Variants in AKR1C8 observed in about 807,000 individuals in gnomAD.
The protein encoded by AKR1C8 is aldo-keto reductase family 1 member C-like protein 1.
the AKR1C8 span, among the ~76,000 whole-genome samples, chr10:5,131,724 C>G: frequency 1.1e-3 from 165 of 150,576 alleles, no homozygotes; most frequent in Non-Finnish European, 1.4e-3. Context: ...GAAAAGAGAA[C>G]ACTTTTACAT....
chr10:5,118,828 G>A, the AKR1C8 span, among the ~76,000 whole-genome samples: 1 of 152,098 alleles, frequency 6.6e-6, no homozygotes, highest in African/African-American at 2.4e-5. Context: ...CATTTGACTG[G>A]AGGGAGATAT....
chr10:5,123,632 T>C, the AKR1C8 span: 4 of 1,332,030 alleles, frequency 3.0e-6, no homozygotes, highest in Non-Finnish European at 4.2e-6. Context: ...GAGAGTAAAC[T>C]CCAGGAAAGA....
At chr10:5,146,234 G>A in the AKR1C8 span, among the ~76,000 whole-genome samples, 8 of 151,150 alleles carry the variant, frequency 5.3e-5, no homozygotes, top group Non-Finnish European at 8.9e-5. Context: ...AGCATTGGGA[G>A]ATATACCGAA....
At chr10:5,183,639 T>C in the AKR1C8 span, among the ~76,000 whole-genome samples, 4 of 151,580 alleles carry the variant, frequency 2.6e-5, no homozygotes, top group African/African-American at 7.3e-5. Context: ...GCCAGAAAAG[T>C]CAACACCCAA....
chr10:5,145,706 T>C, the AKR1C8 span, among the ~76,000 whole-genome samples: 1 of 152,134 alleles, frequency 6.6e-6, no homozygotes, highest in African/African-American at 2.4e-5. Flanking sequence ...CAACAGGTGC[T>C]GGAGAGGATG....
chr10:5,124,571 T>A, the AKR1C8 span, among the ~76,000 whole-genome samples: 1 of 152,004 alleles, frequency 6.6e-6, no homozygotes, highest in African/African-American at 2.4e-5. Context: ...ACAAATACAA[T>A]AATAAAATAA....
chr10:5,145,675 A>G, the AKR1C8 span, among the ~76,000 whole-genome samples: 1 of 152,140 alleles, frequency 6.6e-6, no homozygotes, highest in East Asian at 1.9e-4. Context: ...TTAGAATGGC[A>G]ATCATTAAAA....
chr10:5,173,949 T>C, the AKR1C8 span, among the ~76,000 whole-genome samples: 37 of 152,244 alleles, frequency 2.4e-4, no homozygotes, highest in African/African-American at 8.9e-4. Context: ...AGATGACTTC[T>C]GATGACCTGA....
the AKR1C8 span, among the ~76,000 whole-genome samples, chr10:5,135,618 A>C: frequency 1.3e-5 from 2 of 152,126 alleles, no homozygotes; most frequent in African/African-American, 4.8e-5. Flanking sequence ...CCTCCAATAG[A>C]TTTATAGAAT....
the AKR1C8 span, among the ~76,000 whole-genome samples, chr10:5,156,455 A>G: frequency 1.8e-5 from 2 of 112,114 alleles, no homozygotes; most frequent in East Asian, 3.9e-4. Flanking sequence ...AGTAAAACAG[A>G]TATTTTTTGG....
the AKR1C8 span, among the ~76,000 whole-genome samples, chr10:5,171,098 G>C: frequency 6.6e-6 from 1 of 152,042 alleles, no homozygotes; most frequent in Non-Finnish European, 1.5e-5. Flanking sequence ...TGTCCTGTTT[G>C]ATATTAATTA....
chr10:5,155,808 T>C, the AKR1C8 span: 2 of 442,874 alleles, frequency 4.5e-6, no homozygotes, highest in Non-Finnish European at 9.4e-6. Flanking sequence ...CAGCAGCTTC[T>C]ACATGGGAAT....
At chr10:5,119,252 C>A in the AKR1C8 span, among the ~76,000 whole-genome samples, 3 of 152,110 alleles carry the variant, frequency 2.0e-5, no homozygotes, top group Non-Finnish European at 2.9e-5. Context: ...TAACACCATG[C>A]CAGAACATGG....
chr10:5,151,902 A>G, the AKR1C8 span, among the ~76,000 whole-genome samples: 1 of 152,142 alleles, frequency 6.6e-6, no homozygotes, highest in Non-Finnish European at 1.5e-5. Flanking sequence ...GGGCTATAAA[A>G]ATGGGAAAAG....
the AKR1C8 span, among the ~76,000 whole-genome samples, chr10:5,180,082 GT>G: frequency 1.4e-4 from 22 of 152,148 alleles, no homozygotes; most frequent in Non-Finnish European, 2.4e-4. Flanking sequence ...TTTCTACTCT[GT>G]TTTTTCCCCA....
chr10:5,143,974 C>A, the AKR1C8 span, among the ~76,000 whole-genome samples: 1 of 151,954 alleles, frequency 6.6e-6, no homozygotes, highest in Non-Finnish European at 1.5e-5. Flanking sequence ...CTTAGAGATG[C>A]ATAAACTATC....
chr10:5,158,536 A>C, the AKR1C8 span: 1 of 405,224 alleles, frequency 2.5e-6, no homozygotes, highest in Non-Finnish European at 5.1e-6. Context: ...ACTTCGCTTT[A>C]ATAGGAGTTT....
At chr10:5,148,488 A>C in the AKR1C8 span, among the ~76,000 whole-genome samples, 1 of 152,162 alleles carries the variant, frequency 6.6e-6, no homozygotes, top group Non-Finnish European at 1.5e-5. Context: ...AACTTTTTTC[A>C]AAGAGGATTT....
chr10:5,173,457 G>T, the AKR1C8 span, among the ~76,000 whole-genome samples: 15 of 151,976 alleles, frequency 9.9e-5, no homozygotes, highest in Non-Finnish European at 2.1e-4. Flanking sequence ...GGAACCAAAG[G>T]GGGCAGAGGC....
Sources: gnomAD v4.1 joint callset for allele counts (sites outside exome capture counted in the v4.1 genomes callset) on GRCh38, gnomAD v4.1.1 for gene constraint, MANE v1.5 for transcripts, NCBI Gene and HGNC (gene_info 2026-07-23, HGNC 2026-07-21) for gene names.